Variants in ABI1 observed in about 807,000 individuals in gnomAD.
ABI1 encodes the protein Abelson interactor 1.
Under a neutral mutation model 54.6 loss-of-function variants are expected in ABI1, and 14 were observed. The ratio of observed to expected loss-of-function variants is 0.26; its 90% CI spans 0.17 to 0.40. The LOEUF is 0.40. Among genes scored for constraint, ABI1 ranks in the 10% least tolerant of loss-of-function variants. The pLI is 1.00. For missense variants in ABI1, 443 were observed against 598.3 expected (o/e 0.74, Z 2.71); for synonymous variants, 194 against 209.3 (o/e 0.93, Z 0.63).
chr10:26,779,140 A>G (rs908488059), intron 2 of ABI1, among the ~76,000 whole-genome samples: 9 of 152,228 alleles, frequency 5.9e-5, no homozygotes, highest in African/African-American at 2.4e-5. Context: ...GCAATGAAAA[A>G]GAATGCTGAT....
intron 2 of ABI1, among the ~76,000 whole-genome samples, chr10:26,811,442 G>T (rs1472988955): frequency 2.6e-5 from 4 of 152,130 alleles, no homozygotes; most frequent in South Asian, 4.2e-4. Context: ...ATAATAAAAG[G>T]TGTCCTCCTT....
At chr10:26,854,212 AAAAT>A (rs1407902784) in intron 1 of ABI1, among the ~76,000 whole-genome samples, 2 of 152,222 alleles carry the variant, frequency 1.3e-5, no homozygotes, top group East Asian at 3.8e-4. Flanking sequence ...GAAGCATGCT[AAAAT>A]TGAGGTTCTA....
intron 1 of ABI1, among the ~76,000 whole-genome samples, chr10:26,836,781 T>C (rs563297007): frequency 9.8e-5 from 15 of 152,304 alleles, no homozygotes; most frequent in African/African-American, 3.6e-4. Flanking sequence ...AATTCCTACC[T>C]TGGAATTTGT....
At position 26,747,777 on chromosome 10, in the gene ABI1, T is replaced by C. The variant is rs1837101929; in HGVS notation, c.*793A>G. On this transcript the variant is annotated 3_prime_UTR_variant, in exon 11 of 11. Coordinates refer to ENST00000376140, the MANE Select transcript of ABI1 (RefSeq NM_001012750.3). ...GATTAAGATAAGGCTAAAATTTTTTTCCAAGTTAACATATTGAGAAAATAG... is the reference window on the plus strand; with the variant it reads ...GATTAAGATAAGGCTAAAATTTTTTCCCAAGTTAACATATTGAGAAAATAG... 1 of 195,882 alleles carries C rather than the reference T, an allele frequency of 5.1e-6. No homozygotes were observed. Among genetic ancestry groups the C allele is most frequent in the South Asian group, 1.9e-4 (1 of 5,222 alleles). 12.1% of individuals were successfully genotyped at this position (195,882 alleles called of 1,614,324 possible). A position where few individuals can be genotyped will look rare whatever the true frequency, so the allele number is the denominator to read the frequency against.
At chr10:26,797,854 A>T (rs1844386031) in intron 2 of ABI1, among the ~76,000 whole-genome samples, 1 of 152,216 alleles carries the variant, frequency 6.6e-6, no homozygotes, top group African/African-American at 2.4e-5. Flanking sequence ...AAAGCATTTT[A>T]AATTAAAGGA....
rs529608216 is a variant in ABI1, at chr10:26,761,868, T to C, written c.821-2630A>G. On this transcript the variant is annotated intron_variant, in intron 7 of 10. Coordinates refer to ENST00000376140, the MANE Select transcript of ABI1 (RefSeq NM_001012750.3). ...GTATGTAAATATATCATAATTTATT[T>C]ATCCATTCTACTACTATTAGACATT... 4.6e-5 allele frequency among the ~76,000 whole-genome samples: 7 copies of C among 152,096 alleles called. No homozygotes were observed. The South Asian group carries it at 1.2e-3, about 27-fold the overall frequency.
chr10:26,790,905 C>T (rs547015487), intron 2 of ABI1, among the ~76,000 whole-genome samples: 1 of 151,636 alleles, frequency 6.6e-6, no homozygotes, highest in Non-Finnish European at 1.5e-5. Flanking sequence ...CCCATCTCTA[C>T]AAAAAATGCA....
rs1208318036 is a variant in ABI1, at chr10:26,770,272, G to A, written c.551C>T (p.Pro184Leu). 1 of 1,613,946 alleles carries A rather than the reference G, an allele frequency of 6.2e-7. No individual in the cohort carries two copies. The highest frequency in any genetic ancestry group is 8.5e-7 in the Non-Finnish European group (1 of 1,179,932). ...TNPPTQKPPS[P>L]PMSGRGTLGR... is the part of the protein sequence containing the mutation. The stretch of plus-strand genomic sequence containing the variant: ...CAGTGTTCCCCGGCCTGACATGGGA[G>A]GACTTGGCGGTTTCTGAGTAGGAGG... Residue 184 changes from proline to leucine, a missense_variant, in exon 5 of 11, where the codon CCT becomes CTT. Coordinates refer to ENST00000376140, the MANE Select transcript of ABI1 (RefSeq NM_001012750.3).
At chr10:26,834,587 AC>A (rs2048914212) in intron 1 of ABI1, among the ~76,000 whole-genome samples, 1 of 151,656 alleles carries the variant, frequency 6.6e-6, no homozygotes, top group Non-Finnish European at 1.5e-5. Flanking sequence ...ACACACACAC[AC>A]ACACACAAAA....
chr10:26,765,813 T>C (rs138634692), intron 6 of ABI1, among the ~76,000 whole-genome samples: 370 of 152,222 alleles, frequency 2.4e-3, no homozygotes, highest in Admixed American at 8.1e-3. Flanking sequence ...TTTGAAATGG[T>C]TTCCTCTACT....
At chr10:26,816,265 G>A (rs1359941915) in intron 2 of ABI1, among the ~76,000 whole-genome samples, 2 of 152,192 alleles carry the variant, frequency 1.3e-5, no homozygotes, top group Non-Finnish European at 2.9e-5. Flanking sequence ...AATTCGAATT[G>A]AATGTAAATG....
chr10:26,856,346 T>C (rs1396151760), intron 1 of ABI1, among the ~76,000 whole-genome samples: 1 of 149,880 alleles, frequency 6.7e-6, no homozygotes, highest in Non-Finnish European at 1.5e-5. Flanking sequence ...AAATCTGGGT[T>C]TGATTCCAGG....
chr10:26,827,182 G>C (rs750284484), intron 1 of ABI1, among the ~76,000 whole-genome samples: 1 of 151,708 alleles, frequency 6.6e-6, no homozygotes, highest in Non-Finnish European at 1.5e-5. Context: ...CAAAGTGCAA[G>C]GATTACAGGC....
intron 2 of ABI1, among the ~76,000 whole-genome samples, chr10:26,809,342 G>T (rs1425939691): frequency 1.3e-5 from 2 of 151,348 alleles, no homozygotes; most frequent in African/African-American, 4.9e-5. Flanking sequence ...AGGATCACTT[G>T]AACCCAAGAG....
intron 6 of ABI1, 128 bp downstream of exon 6, chr10:26,768,724 C>A: frequency 1.4e-6 from 1 of 729,962 alleles, no homozygotes; most frequent in Non-Finnish European, 2.2e-6. Context: ...ATATTATTCC[C>A]CCAACTTTTA....
chr10:26,798,342 C>G (rs1166287642), intron 2 of ABI1, among the ~76,000 whole-genome samples: 2 of 152,044 alleles, frequency 1.3e-5, no homozygotes, highest in Non-Finnish European at 2.9e-5. Context: ...CACGAGGGTC[C>G]TTACAAGCCA....
In ABI1 at chr10:26,759,160, G is replaced by C; in HGVS notation, c.899C>G (p.Ser300Trp). ...QISRHNSTTS[S>W]TSSGGYRRTP... ...TCGTCTGTATCCACCAGAAGATGTC[G>C]AAGAAGTAGTAGAGTTGTGTCGAGA... Residue 300 changes from serine to tryptophan, a missense_variant, in exon 8 of 11, where the codon TCG becomes TGG. Physicochemically the swap from Ser to Trp is radical, Grantham distance 177. Around this residue, in one of 2 missense-constraint regions of ABI1, gnomAD observed 394 missense variants for 484.8 expected, o/e 0.81. Transcript: ENST00000376140. 6.2e-7 allele frequency: 1 copy of C among 1,614,076 alleles called. No homozygotes were observed. The highest frequency in any genetic ancestry group is 8.5e-7 in the Non-Finnish European group (1 of 1,179,984).
chr10:26,748,755 AAAC>A lies in ABI1; in HGVS notation c.1271-13_1271-11del, dbSNP rs1345072104. The stretch of plus-strand genomic sequence containing the variant: ...TCATATATTGCAACAACTATGGAAA[AAAC>A]AGTTGAAATATCACATGAGTGCACT... On this transcript the variant is annotated splice_polypyrimidine_tract_variant and intron_variant, in intron 10 of 10. Coordinates refer to ENST00000376140, the MANE Select transcript of ABI1 (RefSeq NM_001012750.3). 1 of 1,600,916 alleles carries A rather than the reference AAAC, an allele frequency of 6.2e-7. No individual in the cohort carries two copies. The highest frequency in any genetic ancestry group is 1.7e-5 in the Admixed American group (1 of 59,108).
At chr10:26,788,740 G>A (rs949765576) in intron 2 of ABI1, among the ~76,000 whole-genome samples, 18 of 151,954 alleles carry the variant, frequency 1.2e-4, no homozygotes, top group African/African-American at 3.6e-4. Flanking sequence ...GTGAAACCCC[G>A]TCTCTACTAA....
Sources: allele counts gnomAD v4.1 joint callset (sites outside exome capture counted in the v4.1 genomes callset), GRCh38; gene constraint gnomAD v4.1.1; regional missense constraint gnomAD v4.1.1; transcripts MANE v1.5; gene names NCBI Gene and HGNC (gene_info 2026-07-23, HGNC 2026-07-21).